Variants in BICD1 observed in about 807,000 individuals in gnomAD.
BICD1 encodes the protein BICD cargo adaptor 1, also known as protein bicaudal D homolog 1.
A neutral mutation model predicts 92.5 loss-of-function variants in BICD1; 35 were observed. The observed-to-expected ratio is 0.38, with a 90% CI of 0.29 to 0.50. The LOEUF is 0.50. Ranked by LOEUF, BICD1 falls within the 20% of genes least tolerant of loss-of-function variation. The pLI is 0.93. For missense variants in BICD1, 950 were observed against 1,189.8 expected (o/e 0.80, Z 2.97); for synonymous variants, 429 against 465.1 (o/e 0.92, Z 1.00).
intron 1 of BICD1, among the ~76,000 whole-genome samples, chr12:32,165,384 C>T (rs1939700341): frequency 1.3e-5 from 2 of 152,084 alleles, no homozygotes; most frequent in South Asian, 2.1e-4. Flanking sequence ...GGCGTGGTGG[C>T]GGGCGCTTGT....
chr12:32,152,361 G>A (rs553389545), intron 1 of BICD1, among the ~76,000 whole-genome samples: 104 of 151,310 alleles, frequency 6.9e-4, no homozygotes, highest in Non-Finnish European at 1.2e-3. Flanking sequence ...TGATCCTCCC[G>A]TCTTAGCCTC....
intron 2 of BICD1, among the ~76,000 whole-genome samples, chr12:32,292,694 C>G (rs1302202656): frequency 6.6e-6 from 1 of 152,042 alleles, no homozygotes; most frequent in African/African-American, 2.4e-5. Context: ...TTATTTTTTT[C>G]GCATATGGAT....
At chr12:32,376,886 G>C (rs1009548337) in intron 9 of BICD1, among the ~76,000 whole-genome samples, 4 of 141,014 alleles carry the variant, frequency 2.8e-5, no homozygotes, top group East Asian at 4.7e-4. Flanking sequence ...AGGGGGGGGG[G>C]GGTGAAATAT....
At chr12:32,160,150 A>G (rs546039840) in intron 1 of BICD1, among the ~76,000 whole-genome samples, 6 of 152,118 alleles carry the variant, frequency 3.9e-5, no homozygotes, top group Admixed American at 3.3e-4. Context: ...GGTAGCTGCT[A>G]CCCCTCCCAC....
chr12:32,238,225 C>A (rs1405260247), intron 2 of BICD1, among the ~76,000 whole-genome samples: 9 of 150,394 alleles, frequency 6.0e-5, no homozygotes, highest in Admixed American at 5.9e-4. Flanking sequence ...CACAGTGAGA[C>A]CCCCATCTCC....
chr12:32,288,353 C>T (rs1334015517), intron 2 of BICD1, among the ~76,000 whole-genome samples: 1 of 151,534 alleles, frequency 6.6e-6, no homozygotes, highest in Non-Finnish European at 1.5e-5. Context: ...CACTTCAGCC[C>T]CCTGACTAGC....
At chr12:32,266,146 C>T (rs1946990268) in intron 2 of BICD1, among the ~76,000 whole-genome samples, 1 of 152,152 alleles carries the variant, frequency 6.6e-6, no homozygotes, top group African/African-American at 2.4e-5. Context: ...CTTCCTAGGT[C>T]ATAGCCCTGT....
In BICD1 at chr12:32,334,615, T is replaced by C. The variant is rs201216683; in HGVS notation, c.2200T>C (p.Leu734=). 1.9e-6 allele frequency: 3 copies of C among 1,612,076 alleles called. No homozygotes were observed. The South Asian group carries it at 3.3e-5, about 18-fold the overall frequency. ...GAAGCTTAGAAATGAACTGAAGGCT[T>C]TGAAAGAAGATGCTGCAACCTTCTC... is the stretch of plus-strand genomic sequence containing the variant. The part of the protein sequence containing the change: ...MTKLRNELKA[L]KEDAATFSSL... The change falls in exon 6 of 10, where the codon TTG becomes CTG. Residue 734 remains leucine, a synonymous_variant. Transcript: ENST00000652176.
chr12:32,112,157 C>T (rs915311610), intron 1 of BICD1, among the ~76,000 whole-genome samples: 6 of 152,028 alleles, frequency 3.9e-5, no homozygotes, highest in African/African-American at 1.2e-4. Context: ...CAGGCATGCG[C>T]CACCACACCT....
rs1391832130 is a variant in BICD1 at position 32,327,569 on chromosome 12, A to T, written c.1114A>T (p.Thr372Ser). The T allele has an allele frequency of 1.2e-6, 2 of 1,614,196 alleles. No individual in the cohort carries two copies. The highest frequency in any genetic ancestry group is 3.3e-5 in the Admixed American group (2 of 60,030). ...GCAGCATGAGCGGGTGCACCGGCTC[A>T]CAGAGCACGTCAATGCCATGAGGGG... ...TEQHERVHRL[T>S]EHVNAMRGLQ... The change falls in exon 5 of 10, where the codon ACA becomes TCA. Residue 372 changes from threonine to serine, a missense_variant. Physicochemically the swap from Thr to Ser is moderately conservative, Grantham distance 58. This residue lies in a region of BICD1 where 246 missense variants were observed against 258.4 expected (regional missense o/e 0.95). Transcript: ENST00000652176.
In BICD1 at chr12:32,327,549, A is replaced by G. The variant is rs1232544628; in HGVS notation, c.1094A>G (p.His365Arg). Residue 365 changes from histidine (H) to arginine (R), a missense_variant, in exon 5 of 10, where the codon CAT becomes CGT. Around this residue, in one of 5 missense-constraint regions of BICD1, gnomAD observed 246 missense variants for 258.4 expected, o/e 0.95. Transcript: ENST00000652176. Reference protein sequence around the residue: ...EHTKGALTEQHERVHRLTEHV... With the variant: ...EHTKGALTEQRERVHRLTEHV... ...ACCAAGGGGGCACTGACGGAGCAGC[A>G]TGAGCGGGTGCACCGGCTCACAGAG... The G allele has an allele frequency of 8.1e-6, 13 of 1,614,194 alleles. No homozygotes were observed. Among genetic ancestry groups the G allele is most frequent in the Non-Finnish European group, 1.0e-5 (12 of 1,180,034 alleles).
intron 1 of BICD1, among the ~76,000 whole-genome samples, chr12:32,116,472 C>G (rs947717163): frequency 0.019 from 1,885 of 101,650 alleles, 16 homozygotes; most frequent in Middle Eastern, 0.054. Context: ...GTCTCTCTCT[C>G]TCTCTCTCTC....
At chr12:32,302,762 G>T (rs751229276) in intron 3 of BICD1, among the ~76,000 whole-genome samples, 1 of 151,830 alleles carries the variant, frequency 6.6e-6, no homozygotes, top group Admixed American at 6.6e-5. Context: ...GCATATTCAT[G>T]GTAGAACAAT....
At chr12:32,345,406 G>A (rs866265068) in intron 8 of BICD1, among the ~76,000 whole-genome samples, 9 of 151,916 alleles carry the variant, frequency 5.9e-5, no homozygotes, top group African/African-American at 1.9e-4. Flanking sequence ...AGTACAAAGG[G>A]TATACAGTAG....
intron 1 of BICD1, among the ~76,000 whole-genome samples, chr12:32,117,442 C>T (rs563834313): frequency 6.6e-6 from 1 of 152,168 alleles, no homozygotes; most frequent in South Asian, 2.1e-4. Flanking sequence ...AATGTTTTCA[C>T]AGTGTCTCAA....
intron 1 of BICD1, among the ~76,000 whole-genome samples, chr12:32,202,999 A>T (rs1215673323): frequency 6.6e-6 from 1 of 152,190 alleles, no homozygotes; most frequent in Non-Finnish European, 1.5e-5. Flanking sequence ...TAGATATCTT[A>T]TGACCATTAG....
rs536983973 is a variant in BICD1, at chr12:32,367,434, A to C, written c.2765-236A>C. The C allele has an allele frequency of 1.7e-4, 69 of 412,972 alleles. No individual in the cohort carries two copies. The East Asian group carries it at 2.6e-3, about 16-fold the overall frequency. 25.6% of individuals were successfully genotyped at this position (412,972 alleles called of 1,614,324 possible). Reference sequence around the variant, plus strand: ...CACATATATCCTAATGTACTTGAGAAATCTCGCTACTAATGCTGTGTCACT... The same window carrying C: ...CACATATATCCTAATGTACTTGAGACATCTCGCTACTAATGCTGTGTCACT... On this transcript the variant is annotated intron_variant, in intron 8 of 9. Transcript: ENST00000652176.
chr12:32,171,342 T>A (rs1293094084), intron 1 of BICD1, among the ~76,000 whole-genome samples: 1 of 152,352 alleles, frequency 6.6e-6, no homozygotes, highest in East Asian at 1.9e-4. Context: ...CCGAAGGCGA[T>A]GCTGTGGGAC....
chr12:32,300,745 C>T (rs756823527), intron 3 of BICD1, among the ~76,000 whole-genome samples: 21 of 147,356 alleles, frequency 1.4e-4, no homozygotes, highest in Non-Finnish European at 2.2e-4. Flanking sequence ...CCCGGGTTCA[C>T]GCCATTCTCC....
Sources: gnomAD v4.1 joint callset for allele counts (sites outside exome capture counted in the v4.1 genomes callset) on GRCh38, gnomAD v4.1.1 for gene constraint, gnomAD v4.1.1 regional missense constraint, MANE v1.5 for transcripts, NCBI Gene and HGNC (gene_info 2026-07-23, HGNC 2026-07-21) for gene names.